Variants in ERV3-1 observed in about 807,000 individuals in gnomAD.
ERV3-1 encodes the protein endogenous retrovirus group 3 member 1, envelope, also known as endogenous retrovirus group 3 member 1 Env polyprotein.
In ERV3-1, 36 loss-of-function variants were observed where a neutral mutation model predicts 24.6. The observed-to-expected ratio is 1.47, with a 90% CI of 1.12 to 1.94. The LOEUF (loss-of-function observed/expected upper bound fraction) is 1.94. Ranked by LOEUF, ERV3-1 falls within the 30% of genes most tolerant of loss-of-function variation. ERV3-1 has a pLI of 0.00. For missense variants in ERV3-1, 578 were observed against 330.9 expected, an observed-to-expected ratio of 1.75 and a Z score of -5.79; for synonymous variants, 211 against 122.6, an observed-to-expected ratio of 1.72 and a Z score of -4.76.
intron 1 of ERV3-1, chr7:65,006,271 C>T (rs1157774717): frequency 3.7e-6 from 2 of 539,880 alleles, no homozygotes; most frequent in Non-Finnish European, 6.6e-6. Flanking sequence ...GGGAGAGCTG[C>T]GGCAGTGGGG....
chr7:64,999,899 T>C lies in ERV3-1; in HGVS notation c.-388-6485A>G, dbSNP rs186454870. Reference sequence around the variant, plus strand: ...AGACTGATCAGGGAAGGACTTGTTTTCCCTTTACTTGTTTTTCCTTTTATA... The same window carrying C: ...AGACTGATCAGGGAAGGACTTGTTTCCCCTTTACTTGTTTTTCCTTTTATA... On this transcript the variant is annotated intron_variant, in intron 1 of 1. Coordinates refer to ENST00000394323, the MANE Select transcript of ERV3-1 (RefSeq NM_001007253.4). Among the ~76,000 whole-genome samples the C allele has an allele frequency of 1.9e-4, 29 of 152,312 alleles. No homozygotes were observed. The East Asian group carries it at 5.6e-3, about 29-fold the overall frequency.
At chr7:64,995,911 T>C (rs186566676) in intron 1 of ERV3-1, among the ~76,000 whole-genome samples, 6 of 152,242 alleles carry the variant, frequency 3.9e-5, no homozygotes, top group African/African-American at 1.4e-4. Context: ...TCCCCAAAGA[T>C]TGTGGGAGAA....
intron 1 of ERV3-1, among the ~76,000 whole-genome samples, chr7:64,996,328 G>A (rs1036629611): frequency 6.6e-6 from 1 of 152,190 alleles, no homozygotes; most frequent in African/African-American, 2.4e-5. Flanking sequence ...AGTGGGTACT[G>A]ACAAACCTGA....
Position 64,993,108 on chromosome 7 carries a change from A to T in ERV3-1, c.-82T>A. On this transcript the variant is annotated 5_prime_UTR_variant, in exon 2 of 2. Transcript: ENST00000394323. ...GCAAAGTAATTAATATGACAAGGAA[A>T]ATTACTGGACTTCAGATTTCTAACC... 4.9e-6 allele frequency: 3 copies of T among 616,406 alleles called. No homozygotes were observed. Among genetic ancestry groups the T allele is most frequent in the Non-Finnish European group, 8.7e-6 (3 of 344,780 alleles). 38.2% of individuals were successfully genotyped at this position (616,406 alleles called of 1,614,324 possible). A position where few individuals can be genotyped will look rare whatever the true frequency, so the allele number is the denominator to read the frequency against.
chr7:64,997,511 C>G (rs942026149), intron 1 of ERV3-1, among the ~76,000 whole-genome samples: 2 of 152,150 alleles, frequency 1.3e-5, no homozygotes, highest in Admixed American at 6.5e-5. Flanking sequence ...GTGTTGACTG[C>G]CTTTTTCCCA....
At chr7:64,993,717 T>G (rs1220010491) in intron 1 of ERV3-1, among the ~76,000 whole-genome samples, 4 of 152,308 alleles carry the variant, frequency 2.6e-5, no homozygotes. Flanking sequence ...ATACCCAGTT[T>G]GTTTGGTGGG....
At chr7:64,997,165 G>A (rs978165840) in intron 1 of ERV3-1, among the ~76,000 whole-genome samples, 3 of 152,144 alleles carry the variant, frequency 2.0e-5, no homozygotes, top group African/African-American at 4.8e-5. Flanking sequence ...ACCCACTCGC[G>A]ATGCTAGTTT....
In ERV3-1 at chr7:64,992,532, G is replaced by C; in HGVS notation, c.495C>G (p.Cys165Trp). Reference protein sequence around the residue: ...ACSTDSPVTTCWDCTTWSTNQ... With the variant: ...ACSTDSPVTTWWDCTTWSTNQ... ...TAGTGGACCACGTTGTGCAGTCCCA[G>C]CAAGTTGTTACTGGGGAATCGGTGG... The change falls in exon 2 of 2, where the codon TGC becomes TGG. Residue 165 changes from cysteine to tryptophan, a missense_variant. Coordinates refer to ENST00000394323, the MANE Select transcript of ERV3-1 (RefSeq NM_001007253.4). The C allele has an allele frequency of 2.6e-6, 2 of 766,388 alleles. No individual in the cohort carries two copies. Among genetic ancestry groups the C allele is most frequent in the Non-Finnish European group, 4.8e-6 (2 of 417,914 alleles). 47.5% of individuals were successfully genotyped at this position (766,388 alleles called of 1,614,324 possible).
chr7:64,991,464 T>C lies in ERV3-1; in HGVS notation c.1563A>G (p.Val521=). ...MLNRIIRLQA[V]LEIITNETAG... is the part of the protein sequence containing the mutation. ...CAGTTTCATTGGTAATGATTTCTAG[T>C]ACTGCCTGCAATCTTATAATGCGGT... is the stretch of plus-strand genomic sequence containing the variant. The change falls in exon 2 of 2, where the codon GTA becomes GTG. Residue 521 remains valine, a synonymous_variant. Transcript: ENST00000394323. 1 of 704,150 alleles carries C rather than the reference T, an allele frequency of 1.4e-6. No individual in the cohort carries two copies. Among genetic ancestry groups the C allele is most frequent in the South Asian group, 1.5e-5 (1 of 67,602 alleles). The allele number at this position is 704,150 out of a possible 1,614,324, so 43.6% of individuals were successfully genotyped here.
intron 1 of ERV3-1, among the ~76,000 whole-genome samples, chr7:64,999,193 C>T (rs116842453): frequency 0.012 from 1,773 of 152,226 alleles, 27 homozygotes; most frequent in Non-Finnish European, 0.02. Context: ...CAGGGAGGGG[C>T]GCCGGGTCAT....
At chr7:64,994,179 A>C (rs1589816) in intron 1 of ERV3-1, among the ~76,000 whole-genome samples, 144,391 of 152,212 alleles carry the variant, frequency 0.95, 68,965 homozygotes, top group East Asian at 1. Context: ...CGAGTGGGCC[A>C]TTGTCATGGG....
rs972330202 is a variant in ERV3-1 at position 65,006,670 on chromosome 7, C to A, written c.-518G>T. 7.4e-6 allele frequency: 11 copies of A among 1,488,492 alleles called. 1 individual carries two copies. In the African/African-American group the frequency reaches 1.5e-4, roughly 21 times the overall value. The allele number at this position is 1,488,492 out of a possible 1,614,324, so 92.2% of individuals were successfully genotyped here. On this transcript the variant is annotated 5_prime_UTR_variant, in exon 1 of 2. Transcript: ENST00000394323. Reference sequence around the variant, plus strand: ...AGCAGTGAAGACTACACCAGAAGCTCCGGCTGCCGCCAGAGACAAAGGCCC... The same window carrying A: ...AGCAGTGAAGACTACACCAGAAGCTACGGCTGCCGCCAGAGACAAAGGCCC...
intron 1 of ERV3-1, chr7:65,004,801 C>T (rs990993240): frequency 1.3e-5 from 2 of 152,158 alleles, no homozygotes; most frequent in African/African-American, 4.8e-5. Flanking sequence ...GTACTAGGCC[C>T]CATTGAGTGC....
At chr7:64,997,907 C>A (rs912156272) in intron 1 of ERV3-1, among the ~76,000 whole-genome samples, 1 of 152,118 alleles carries the variant, frequency 6.6e-6, no homozygotes, top group Non-Finnish European at 1.5e-5. Context: ...GGTTGCCCCC[C>A]CTTGAACCTG....
intron 1 of ERV3-1, chr7:65,006,095 C>T (rs2129125294): frequency 1.1e-5 from 2 of 175,272 alleles, no homozygotes; most frequent in South Asian, 2.3e-4. Flanking sequence ...TCTTGAATTA[C>T]TCTTTAATTA....
Position 65,003,224 on chromosome 7 carries a change from C to T in ERV3-1, c.-389+3317G>A, listed in dbSNP as rs116410590. On this transcript the variant is annotated intron_variant, in intron 1 of 1. Transcript: ENST00000394323. ...CCCTCCCTGGCTGGGTGCAGTGGCT[C>T]ACACCTGTAACCCCAACATTTTGGG... 7.8e-3 allele frequency among the ~76,000 whole-genome samples: 1,187 copies of T among 152,270 alleles called. 14 individuals carry two copies. The highest frequency in any genetic ancestry group is 0.025 in the African/African-American group (1,058 of 41,548).
In ERV3-1 at chr7:64,992,240, G is replaced by C. The variant is rs745588909; in HGVS notation, c.787C>G (p.Gln263Glu). 3.9e-5 allele frequency: 30 copies of C among 766,234 alleles called. No individual in the cohort carries two copies. Among genetic ancestry groups the C allele is most frequent in the Admixed American group, 1.5e-4 (9 of 59,006 alleles). 47.5% of individuals were successfully genotyped at this position (766,234 alleles called of 1,614,324 possible). The change falls in exon 2 of 2, where the codon CAG becomes GAG. Residue 263 changes from glutamine to glutamate, a missense_variant. By Grantham distance (29) the Gln-to-Glu change is conservative. Transcript: ENST00000394323. ...VFESFYEHVN[Q>E]KLPEPPPLAS... The stretch of plus-strand genomic sequence containing the variant: ...AAGGGAGGGGGCTCAGGCAATTTCT[G>C]GTTAACATGCTCATAGAATGACTCA...
chr7:64,998,411 C>T (rs59899532), intron 1 of ERV3-1, among the ~76,000 whole-genome samples: 9,192 of 152,216 alleles, frequency 0.06, 939 homozygotes, highest in African/African-American at 0.21. Flanking sequence ...CTTAAATACA[C>T]GGCCAATTTT....
chr7:65,006,400 G>A (rs1420252066), intron 1 of ERV3-1, 141 bp downstream of exon 1: 1 of 1,370,206 alleles, frequency 7.3e-7, no homozygotes, highest in Admixed American at 1.7e-5. Context: ...GGGGACTGAG[G>A]GCCGAGCTGC....
Sources: allele counts gnomAD v4.1 joint callset (sites outside exome capture counted in the v4.1 genomes callset), GRCh38; gene constraint gnomAD v4.1.1; transcripts MANE v1.5; gene names NCBI Gene and HGNC (gene_info 2026-07-23, HGNC 2026-07-21).